FAM81B: variants seen among roughly 807,000 people sequenced by gnomAD.
FAM81B encodes protein FAM81B.
A neutral mutation model predicts 58.7 loss-of-function variants in FAM81B; 60 were observed. The ratio of observed to expected loss-of-function variants is 1.02; its 90% CI spans 0.83 to 1.27. FAM81B has a LOEUF of 1.27. Ranked by LOEUF, FAM81B falls within the 50% of genes most tolerant of loss-of-function variation. The pLI, the probability that FAM81B is intolerant of heterozygous loss-of-function variation, is 0.00. For missense variants in FAM81B, 491 were observed against 522.0 expected (o/e 0.94, Z 0.58); for synonymous variants, 189 against 179.6 (o/e 1.05, Z -0.42).
chr5:95,413,519 C>A (rs1212610943), intron 3 of FAM81B, among the ~76,000 whole-genome samples: 1 of 152,136 alleles, frequency 6.6e-6, no homozygotes, highest in East Asian at 1.9e-4. Flanking sequence ...TGTATTTGAT[C>A]ATAGAATTCT....
Position 95,450,313 on chromosome 5 carries a change from C to T in FAM81B, c.*31C>T. ...TTCAGTCATCTTCTTTTTCATCAGC[C>T]AATGGAGTGATTTGTTGGAAAAAGT... is the stretch of plus-strand genomic sequence containing the variant. On this transcript the variant is annotated 3_prime_UTR_variant, in exon 10 of 10. Coordinates refer to ENST00000283357, the MANE Select transcript of FAM81B (RefSeq NM_152548.3). The T allele has an allele frequency of 6.2e-7, 1 of 1,602,458 alleles. No homozygotes were observed. The highest frequency in any genetic ancestry group is 8.5e-7 in the Non-Finnish European group (1 of 1,176,258).
At chr5:95,402,433 A>T (rs1257527980) in intron 3 of FAM81B, among the ~76,000 whole-genome samples, 1 of 152,268 alleles carries the variant, frequency 6.6e-6, no homozygotes, top group African/African-American at 2.4e-5. Context: ...AGTTAATAGT[A>T]AATCCCAGGC....
intron 3 of FAM81B, among the ~76,000 whole-genome samples, chr5:95,407,920 C>T (rs1313885366): frequency 6.6e-6 from 1 of 152,160 alleles, no homozygotes; most frequent in Non-Finnish European, 1.5e-5. Flanking sequence ...ATTTATCTCA[C>T]AGTTTCTCAG....
intron 5 of FAM81B, among the ~76,000 whole-genome samples, chr5:95,427,255 T>C (rs1490603978): frequency 6.6e-6 from 1 of 151,788 alleles, no homozygotes. Flanking sequence ...TCTTTGGGGG[T>C]CTTAATATGG....
intron 7 of FAM81B, among the ~76,000 whole-genome samples, chr5:95,441,772 A>T (rs1233416378): frequency 6.6e-6 from 1 of 152,174 alleles, no homozygotes; most frequent in Admixed American, 6.6e-5. Flanking sequence ...TCCGACAAAG[A>T]CATGCACTGA....
At chr5:95,418,512 CT>C (rs1162686794) in intron 4 of FAM81B, among the ~76,000 whole-genome samples, 1 of 152,156 alleles carries the variant, frequency 6.6e-6, no homozygotes, top group Non-Finnish European at 1.5e-5. Context: ...GCACTTCAAG[CT>C]ACAAGAGTTA....
chr5:95,448,880 G>C (rs990572554), intron 9 of FAM81B: 1 of 358,754 alleles, frequency 2.8e-6, no homozygotes, highest in Non-Finnish European at 5.4e-6. Flanking sequence ...TCAGACTGGA[G>C]ACCTGACCTT....
At chr5:95,436,770 T>C (rs1745116746) in intron 6 of FAM81B, 30 bp from the exon 7 acceptor site, 1 of 1,453,280 alleles carries the variant, frequency 6.9e-7, no homozygotes, top group Middle Eastern at 1.7e-4. Flanking sequence ...GTTTTGTTCA[T>C]ATGCACAAAC....
intron 7 of FAM81B, chr5:95,439,982 G>A (rs868582368): frequency 3.8e-4 from 131 of 344,596 alleles, no homozygotes; most frequent in African/African-American, 2.6e-3. Context: ...TTGCACCACT[G>A]CATGCCAGCC....
chr5:95,428,786 A>G (rs1762920729), intron 6 of FAM81B, 54 bp downstream of exon 6: 2 of 1,603,382 alleles, frequency 1.2e-6, no homozygotes, highest in Non-Finnish European at 8.5e-7. Context: ...AAGTAAGATC[A>G]TTATAGCTTA....
intron 5 of FAM81B, among the ~76,000 whole-genome samples, chr5:95,420,817 T>A (rs913124969): frequency 6.6e-6 from 1 of 152,224 alleles, no homozygotes; most frequent in Non-Finnish European, 1.5e-5. Flanking sequence ...GAATAACATC[T>A]TTTGTACAAG....
At chr5:95,432,223 T>C (rs986517563) in intron 6 of FAM81B, among the ~76,000 whole-genome samples, 6 of 152,118 alleles carry the variant, frequency 3.9e-5, no homozygotes, top group African/African-American at 1.4e-4. Context: ...AAACCATCCT[T>C]GCATTTTCTA....
intron 3 of FAM81B, chr5:95,396,929 G>T (rs1333661694): frequency 6.6e-6 from 1 of 152,132 alleles, no homozygotes; most frequent in African/African-American, 2.4e-5. Context: ...AAAACAAAGA[G>T]GTTGGACTAG....
At chr5:95,406,396 C>T (rs1450008897) in intron 3 of FAM81B, 1 of 152,426 alleles carries the variant, frequency 6.6e-6, no homozygotes, top group African/African-American at 2.4e-5. Context: ...CCAAAGAAGA[C>T]TTCAACCAAC....
chr5:95,416,369 C>G (rs907955151), intron 4 of FAM81B, among the ~76,000 whole-genome samples: 1 of 152,078 alleles, frequency 6.6e-6, no homozygotes, highest in African/African-American at 2.4e-5. Context: ...CATCAAAGTG[C>G]TTGTTTCTTT....
chr5:95,426,744 T>C (rs1423889682), intron 5 of FAM81B, among the ~76,000 whole-genome samples: 3 of 152,106 alleles, frequency 2.0e-5, no homozygotes, highest in Admixed American at 6.5e-5. Flanking sequence ...CTGAAATCTG[T>C]AGGCATTAAG....
intron 9 of FAM81B, chr5:95,448,724 A>G (rs1379156815): frequency 8.4e-6 from 4 of 473,456 alleles, no homozygotes; most frequent in Non-Finnish European, 1.6e-5. Flanking sequence ...TACTAAGATC[A>G]TGGAATTTTT....
At chr5:95,416,723 G>A (rs1762546761) in intron 4 of FAM81B, among the ~76,000 whole-genome samples, 1 of 152,090 alleles carries the variant, frequency 6.6e-6, no homozygotes, top group Admixed American at 6.6e-5. Flanking sequence ...ACTCTATCAT[G>A]TCTCATTAAA....
Position 95,392,853 on chromosome 5 carries a change from C to A in FAM81B, c.184C>A (p.Pro62Thr), listed in dbSNP as rs752552755. The change falls in exon 2 of 10, where the codon CCT becomes ACT. Residue 62 changes from proline to threonine, a missense_variant. By Grantham distance (38) the Pro-to-Thr change is conservative (BLOSUM62 -1). Transcript: ENST00000283357. The stretch of plus-strand genomic sequence containing the variant: ...GACTGCAGAGGAACAGCCAGTTGAA[C>A]CTGATGGCCCCCTTCCTGGCTCAGA... ...TATAEEQPVE[P>T]DGPLPGSDNN... The A allele has an allele frequency of 3.7e-6, 6 of 1,612,356 alleles. No homozygotes were observed. Among genetic ancestry groups the A allele is most frequent in the Middle Eastern group, 3.3e-4 (2 of 6,060 alleles).
Sources: allele counts gnomAD v4.1 joint callset (sites outside exome capture counted in the v4.1 genomes callset), GRCh38; gene constraint gnomAD v4.1.1; transcripts MANE v1.5; gene names NCBI Gene and HGNC (gene_info 2026-07-23, HGNC 2026-07-21).